Variants in MCTP2 observed in about 807,000 individuals in gnomAD.
MCTP2 encodes the protein multiple C2 and transmembrane domain containing 2, also known as multiple C2 and transmembrane domain-containing protein 2.
Under a neutral mutation model 111.6 loss-of-function variants are expected in MCTP2, and 132 were observed. The ratio of observed to expected loss-of-function variants is 1.18; its 90% CI spans 1.03 to 1.37. MCTP2 has a LOEUF of 1.37. Ranked by LOEUF, MCTP2 falls within the 40% of genes most tolerant of loss-of-function variation. The pLI is 0.00. For missense variants in MCTP2, 1,183 were observed against 1,067.9 expected, an observed-to-expected ratio of 1.11 and a Z score of -1.50; for synonymous variants, 395 against 387.7, an observed-to-expected ratio of 1.02 and a Z score of -0.22.
chr15:94,451,744 C>T (rs1291531624), intron 19 of MCTP2, among the ~76,000 whole-genome samples: 1 of 152,326 alleles, frequency 6.6e-6, no homozygotes, highest in African/African-American at 2.4e-5. Flanking sequence ...ATAAAGCCAG[C>T]ATGATACAGA....
chr15:94,335,338 T>A (rs530809817), intron 4 of MCTP2, among the ~76,000 whole-genome samples: 16 of 152,364 alleles, frequency 1.1e-4, no homozygotes, highest in African/African-American at 3.8e-4. Flanking sequence ...TGAATTAATT[T>A]AAAATTTTGT....
At chr15:94,406,013 C>T (rs1051748496) in intron 17 of MCTP2, among the ~76,000 whole-genome samples, 1 of 152,086 alleles carries the variant, frequency 6.6e-6, no homozygotes, top group African/African-American at 2.4e-5. Flanking sequence ...AGTAAGTGCA[C>T]CTGTATATTT....
chr15:94,414,149 T>C (rs918830635), intron 17 of MCTP2, among the ~76,000 whole-genome samples: 13 of 152,216 alleles, frequency 8.5e-5, no homozygotes, highest in African/African-American at 2.9e-4. Flanking sequence ...GTGATGGTCT[T>C]GAGCAAATTA....
At chr15:94,473,858 A>G (rs1382633612) in intron 21 of MCTP2, among the ~76,000 whole-genome samples, 1 of 152,170 alleles carries the variant, frequency 6.6e-6, no homozygotes, top group Non-Finnish European at 1.5e-5. Context: ...ATATCTGAAA[A>G]ATGGTGTTTT....
At chr15:94,338,681 C>T (rs2077486538) in intron 4 of MCTP2, among the ~76,000 whole-genome samples, 1 of 152,142 alleles carries the variant, frequency 6.6e-6, no homozygotes, top group Non-Finnish European at 1.5e-5. Context: ...GAGGGCCTGG[C>T]TGATGTGGAG....
Position 94,442,980 on chromosome 15 carries a change from AAC to A in MCTP2, c.2250+28_2250+29del, listed in dbSNP as rs1462334845. On this transcript the variant is annotated intron_variant, in intron 19 of 22. Coordinates refer to ENST00000357742, the MANE Select transcript of MCTP2 (RefSeq NM_001385001.1). ...GACAAGGTGCGTATGTTCAAGAAAG[AAC>A]ACACACAAAAAAACACTAGTGTTGT... 3.7e-6 allele frequency: 6 copies of A among 1,610,600 alleles called. No individual in the cohort carries two copies. The highest frequency in any genetic ancestry group is 1.1e-5 in the South Asian group (1 of 90,750).
chr15:94,349,021 A>G (rs959898982), intron 8 of MCTP2, among the ~76,000 whole-genome samples: 1 of 151,936 alleles, frequency 6.6e-6, no homozygotes. Context: ...TCATCTATCT[A>G]ATTTATCTAC....
chr15:94,385,394 G>T, intron 13 of MCTP2, 29 bp from the exon 14 acceptor site: 1 of 1,452,058 alleles, frequency 6.9e-7, no homozygotes, highest in Non-Finnish European at 9.7e-7. Flanking sequence ...GTGTGTTTTT[G>T]TGTATAATAC....
chr15:94,270,395 GA>G (rs1280876809), intron 1 of MCTP2, among the ~76,000 whole-genome samples: 1 of 152,198 alleles, frequency 6.6e-6, no homozygotes, highest in Non-Finnish European at 1.5e-5. Flanking sequence ...CACAGGACCA[GA>G]TGCTTAGTAG....
Position 94,358,534 on chromosome 15 carries a change from A to G in MCTP2, c.1223A>G (p.Tyr408Cys). The change falls in exon 10 of 23, where the codon TAC becomes TGC. Residue 408 changes from tyrosine (Y) to cysteine (C), a missense_variant. Physicochemically the swap from Tyr to Cys is radical, Grantham distance 194. Coordinates refer to ENST00000357742, the MANE Select transcript of MCTP2 (RefSeq NM_001385001.1). Reference sequence around the variant, plus strand: ...TGGCAGGAACAGTTTGACTTTCACTACTTCTCTGACAGGATGGGCATTTTG... The same window carrying G: ...TGGCAGGAACAGTTTGACTTTCACTGCTTCTCTGACAGGATGGGCATTTTG... ...PQWQEQFDFH[Y>C]FSDRMGILDI... 1.2e-6 allele frequency: 2 copies of G among 1,613,806 alleles called. No homozygotes were observed. Among genetic ancestry groups the G allele is most frequent in the East Asian group, 2.2e-5 (1 of 44,864 alleles).
chr15:94,394,445 C>T lies in MCTP2; in HGVS notation c.1789-4516C>T, dbSNP rs552760915. Among the ~76,000 whole-genome samples the T allele has an allele frequency of 2.0e-5, 3 of 152,208 alleles. No individual in the cohort carries two copies. In the East Asian group the frequency reaches 5.8e-4, roughly 29 times the overall value. On this transcript the variant is annotated intron_variant, in intron 14 of 22. Transcript: ENST00000357742. Reference sequence around the variant, plus strand: ...AAATACGAATATGCCTTAAAAACTTCATATGAGTGTTTGTTTAAAAATGTT... The same window carrying T: ...AAATACGAATATGCCTTAAAAACTTTATATGAGTGTTTGTTTAAAAATGTT...
chr15:94,244,089 T>C (rs942401193), intron 1 of MCTP2, among the ~76,000 whole-genome samples: 6 of 55,004 alleles, frequency 1.1e-4, no homozygotes, highest in Non-Finnish European at 2.4e-4. Flanking sequence ...TGCACACATA[T>C]GTATACACAT....
At position 94,408,320 on chromosome 15, in the gene MCTP2, A is replaced by T. The variant is rs57651589; in HGVS notation, c.2085+6301A>T. On this transcript the variant is annotated intron_variant, in intron 17 of 22. Coordinates refer to ENST00000357742, the MANE Select transcript of MCTP2 (RefSeq NM_001385001.1). ...AACCAGAAGAAGAGGGGTTTTAGAC[A>T]TCTTAAAAGTGTGTATATATAAGTG... Among the ~76,000 whole-genome samples, 874 of 152,326 alleles carry T rather than the reference A, an allele frequency of 5.7e-3. 6 individuals are homozygous for T. Among genetic ancestry groups the T allele is most frequent in the African/African-American group, 0.019 (774 of 41,572 alleles).
At chr15:94,423,830 A>G (rs2082740709) in intron 17 of MCTP2, among the ~76,000 whole-genome samples, 1 of 152,244 alleles carries the variant, frequency 6.6e-6, no homozygotes, top group African/African-American at 2.4e-5. Context: ...AAGCAAATGT[A>G]AAATATGTCA....
intron 1 of MCTP2, among the ~76,000 whole-genome samples, chr15:94,279,535 G>A (rs776544100): frequency 1.3e-5 from 2 of 152,002 alleles, no homozygotes; most frequent in Non-Finnish European, 2.9e-5. Context: ...GGGTTTTCTA[G>A]GTAAAGAATT....
At chr15:94,366,629 C>T (rs1011019510) in intron 10 of MCTP2, among the ~76,000 whole-genome samples, 1 of 152,152 alleles carries the variant, frequency 6.6e-6, no homozygotes, top group Non-Finnish European at 1.5e-5. Flanking sequence ...ATTGTTCTCT[C>T]TGGGGAGCAG....
chr15:94,300,553 A>G (rs1418517056), intron 2 of MCTP2, among the ~76,000 whole-genome samples: 1 of 151,896 alleles, frequency 6.6e-6, no homozygotes, highest in African/African-American at 2.4e-5. Context: ...TTGATTAAAC[A>G]GAAATATTTG....
At chr15:94,447,827 A>G (rs1444396394) in intron 19 of MCTP2, among the ~76,000 whole-genome samples, 2 of 152,230 alleles carry the variant, frequency 1.3e-5, no homozygotes, top group African/African-American at 2.4e-5. Context: ...ATGGTTAACA[A>G]TAGTTGCATG....
Position 94,340,918 on chromosome 15 carries a change from G to A in MCTP2, c.963G>A (p.Lys321=). ...LNLVVKQGDF[K]RHRWSNRKRL... is the part of the protein sequence containing the mutation. ...TAGTGGTAAAACAGGGTGATTTCAA[G>A]AGACACGTAAGTGGGACCTTCTATT... Residue 321 remains lysine (K), a synonymous_variant, in exon 7 of 23, where the codon AAG becomes AAA. Coordinates refer to ENST00000357742, the MANE Select transcript of MCTP2 (RefSeq NM_001385001.1). 3.8e-6 allele frequency: 6 copies of A among 1,594,176 alleles called. No individual in the cohort carries two copies. The highest frequency in any genetic ancestry group is 5.2e-6 in the Non-Finnish European group (6 of 1,162,086).
Sources: gnomAD v4.1 joint callset for allele counts (sites outside exome capture counted in the v4.1 genomes callset) on GRCh38, gnomAD v4.1.1 for gene constraint, MANE v1.5 for transcripts, NCBI Gene and HGNC (gene_info 2026-07-23, HGNC 2026-07-21) for gene names.